Variants in FBXO27 observed in about 807,000 individuals in gnomAD.
The protein encoded by FBXO27 is F-box only protein 27.
FBXO27 carries 28 observed loss-of-function variants against 28.3 expected under a neutral mutation model. The observed-to-expected ratio is 0.99, with a 90% CI of 0.73 to 1.36. The LOEUF (loss-of-function observed/expected upper bound fraction) is 1.36. FBXO27 is among the 40% of genes most tolerant of loss of function. The pLI is 0.00. For synonymous variants in FBXO27, 175 were observed against 167.3 expected, an observed-to-expected ratio of 1.05 and a Z score of -0.36; for missense variants, 388 against 394.1, an observed-to-expected ratio of 0.98 and a Z score of 0.13.
At chr19:39,008,644 A>C (rs942629056) in intron 2 of FBXO27, among the ~76,000 whole-genome samples, 9 of 152,144 alleles carry the variant, frequency 5.9e-5, no homozygotes, top group African/African-American at 1.7e-4. Context: ...ACCTGTGAGC[A>C]GTCACTCTCC....
At chr19:39,021,787 C>T (rs942056266), downstream of FBXO27, among the ~76,000 whole-genome samples, 8 of 151,990 alleles carry the variant, frequency 5.3e-5, no homozygotes, top group Admixed American at 2.0e-4. Flanking sequence ...CTCAGCCTCC[C>T]GAGTAGCTGG....
In FBXO27 at chr19:39,031,064, C is replaced by T. The variant is rs771008708; in HGVS notation, c.537G>A (p.Leu179=). The change falls in exon 4 of 6, where the codon CTG becomes CTA. Residue 179 remains leucine, a synonymous_variant. Transcript: ENST00000292853. ...CACAAATCTCAATCCTGCCACTATC[C>T]AGCAGTTCTGGCCACAGACCCTCCT... is the stretch of plus-strand genomic sequence containing the variant. The part of the protein sequence containing the change: ...LEEEGLWPEL[L]DSGRIEICVS... The T allele has an allele frequency of 1.9e-6, 3 of 1,614,022 alleles. No individual in the cohort carries two copies. The highest frequency in any genetic ancestry group is 2.7e-5 in the African/African-American group (2 of 74,918).
chr19:39,031,799 C>T (rs56195953), intron 2 of FBXO27, 65 bp downstream of exon 2: 1 of 1,410,498 alleles, frequency 7.1e-7, no homozygotes, highest in Non-Finnish European at 9.2e-7. Flanking sequence ...CGGCCCCGCC[C>T]CTCCGGCCCC....
Position 39,031,315 on chromosome 19 carries a change from GGC to G in FBXO27, c.368_369del (p.Gly123AlafsTer58). The G allele has an allele frequency of 1.2e-6, 2 of 1,613,896 alleles. No homozygotes were observed. Among genetic ancestry groups the G allele is most frequent in the Non-Finnish European group, 1.7e-6 (2 of 1,179,886 alleles). On this transcript the variant is annotated frameshift_variant, in exon 3 of 6. Coordinates refer to ENST00000292853, the MANE Select transcript of FBXO27 (RefSeq NM_178820.5). LOFTEE classifies it high-confidence loss of function. Reference protein sequence around the residue: ...NLIRNPCGQEGLRKWMVQHGG... With the variant: ...NLIRNPCGQEXLRKWMVQHGG... ...CCGTGTTGCACCATCCACTTTCGGA[GGC>G]CTTCTGTGAAATAAAAAAGGCTTGT...
intron 2 of FBXO27, among the ~76,000 whole-genome samples, chr19:39,007,076 A>AAC (rs1975740498): frequency 6.8e-6 from 1 of 146,894 alleles, no homozygotes; most frequent in Non-Finnish European, 1.5e-5. Flanking sequence ...AAAAAAAAAA[A>AAC]AATACAGAAA....
chr19:39,022,105 T>A (rs78025779), downstream of FBXO27, among the ~76,000 whole-genome samples: 1 of 151,570 alleles, frequency 6.6e-6, no homozygotes, highest in East Asian at 1.9e-4. Flanking sequence ...TTTTACTTTT[T>A]GAAACTTTGT....
chr19:39,031,375 T>A, intron 2 of FBXO27, 55 bp from the exon 3 acceptor site: 2 of 1,543,034 alleles, frequency 1.3e-6, no homozygotes, highest in Non-Finnish European at 1.8e-6. Context: ...TGTTGGTTCC[T>A]AGTGAGACCC....
chr19:39,021,606 G>A (rs537071504), downstream of FBXO27, among the ~76,000 whole-genome samples: 9 of 152,198 alleles, frequency 5.9e-5, no homozygotes, highest in African/African-American at 1.9e-4. Flanking sequence ...TTATCAGCGA[G>A]GCTTCTGGTC....
chr19:39,018,454 CT>C (rs1399993236), intron 1 of FBXO27, among the ~76,000 whole-genome samples: 11 of 152,112 alleles, frequency 7.2e-5, no homozygotes, highest in Non-Finnish European at 1.5e-4. Context: ...ACAGTGATAT[CT>C]TCCGGTTCTC....
intron 2 of FBXO27, among the ~76,000 whole-genome samples, chr19:39,011,693 C>A (rs113175519): frequency 8.0e-3 from 82 of 10,290 alleles, no homozygotes; most frequent in African/African-American, 0.013. Flanking sequence ...GAGATGGCGG[C>A]GGGGGAGGGG....
chr19:39,016,962 G>A (rs1458599476), intron 1 of FBXO27, among the ~76,000 whole-genome samples: 10 of 152,194 alleles, frequency 6.6e-5, no homozygotes, highest in East Asian at 1.9e-4. Context: ...GCATGTGCCT[G>A]TAGTCCTAGC....
rs150226407 is a variant in FBXO27 at position 39,025,705 on chromosome 19, C to T, written c.709-151G>A. 8 of 1,114,384 alleles carry T rather than the reference C, an allele frequency of 7.2e-6. No individual in the cohort carries two copies. In the Admixed American group the frequency reaches 2.4e-4, roughly 33 times the overall value. The allele number at this position is 1,114,384 out of a possible 1,614,324, so 69.0% of individuals were successfully genotyped here. ...TCTTCTAGAATCTTATAGAATCTTC[C>T]ACTCCCTCATTAAAAAGTAGAATCT... On this transcript the variant is annotated intron_variant, in intron 5 of 5. Transcript: ENST00000292853.
intron 2 of FBXO27, among the ~76,000 whole-genome samples, chr19:39,008,032 G>A (rs1600221254): frequency 6.6e-6 from 1 of 152,138 alleles, no homozygotes; most frequent in African/African-American, 2.4e-5. Flanking sequence ...GGGAGGCTTA[G>A]GTGAGCGGTT....
chr19:39,012,188 CTT>C (rs34249268), intron 2 of FBXO27, among the ~76,000 whole-genome samples: 8 of 133,290 alleles, frequency 6.0e-5, no homozygotes, highest in Admixed American at 1.5e-4. Flanking sequence ...ATTTATTAAC[CTT>C]TTTTTTTTTT....
intron 2 of FBXO27, among the ~76,000 whole-genome samples, chr19:39,014,166 G>A (rs139637733): frequency 1.1e-3 from 174 of 152,300 alleles, no homozygotes; most frequent in African/African-American, 3.9e-3. Flanking sequence ...GTGTGCGCCC[G>A]TTTTTAATTT....
chr19:39,010,143 CT>C (rs60049248), intron 2 of FBXO27, among the ~76,000 whole-genome samples: 1 of 149,234 alleles, frequency 6.7e-6, no homozygotes, highest in Non-Finnish European at 1.5e-5. Flanking sequence ...GTTAAATTTA[CT>C]TTTTTTTTTC....
intron 5 of FBXO27, 51 bp from the exon 6 acceptor site, chr19:39,025,605 A>C: frequency 6.3e-7 from 1 of 1,579,500 alleles, no homozygotes; most frequent in Non-Finnish European, 8.6e-7. Context: ...CTCCCCTCCA[A>C]AGCTGAGGTT....
intron 2 of FBXO27, among the ~76,000 whole-genome samples, chr19:39,008,406 A>G (rs968840924): frequency 2.6e-5 from 4 of 152,100 alleles, no homozygotes; most frequent in African/African-American, 9.7e-5. Context: ...GCATGTGCTA[A>G]TGTAACCGGC....
rs145513352 is a variant in FBXO27, at chr19:39,026,989, C to T, written c.589G>A (p.Asp197Asn). 46 of 1,614,024 alleles carry T rather than the reference C, an allele frequency of 2.9e-5. No individual in the cohort carries two copies. In the Admixed American group the frequency reaches 3.2e-4, roughly 11 times the overall value. Residue 197 changes from aspartate (D) to asparagine (N), a missense_variant, in exon 5 of 6, where the codon GAC (aspartate) becomes AAC (asparagine). Physicochemically the swap from Asp to Asn is conservative, Grantham distance 23. Transcript: ENST00000292853. ...AGGAGTCTGTACATACAGCCGCTGTCGTGTCGGGCTCCCCACCTGTGGGAG... is the reference window on the plus strand; with the variant it reads ...AGGAGTCTGTACATACAGCCGCTGTTGTGTCGGGCTCCCCACCTGTGGGAG... ...CVSDWWGARH[D>N]SGCMYRLLVQ...
Sources: gnomAD v4.1 joint callset for allele counts (sites outside exome capture counted in the v4.1 genomes callset) on GRCh38, gnomAD v4.1.1 for gene constraint, MANE v1.5 for transcripts, NCBI Gene and HGNC (gene_info 2026-07-23, HGNC 2026-07-21) for gene names.